Variants in RASGRP3 observed in about 807,000 individuals in gnomAD.
The protein encoded by RASGRP3 is RAS guanyl releasing protein 3, also known as ras guanyl-releasing protein 3.
Under a neutral mutation model 82.7 loss-of-function variants are expected in RASGRP3, and 54 were observed. The ratio of observed to expected loss-of-function variants is 0.65; its 90% CI spans 0.52 to 0.82. RASGRP3 has a LOEUF of 0.82. Among genes scored for constraint, RASGRP3 ranks in the 40% least tolerant of loss-of-function variants. The pLI, the probability that RASGRP3 is intolerant of heterozygous loss-of-function variation, is 0.00. For missense variants in RASGRP3, 861 were observed against 828.9 expected, an observed-to-expected ratio of 1.04 and a Z score of -0.48; for synonymous variants, 309 against 300.5, an observed-to-expected ratio of 1.03 and a Z score of -0.29.
chr2:33,503,123 C>T (rs1162252075), intron 1 of RASGRP3, among the ~76,000 whole-genome samples: 5 of 152,110 alleles, frequency 3.3e-5, no homozygotes, highest in African/African-American at 1.2e-4. Flanking sequence ...AAATTTCAAC[C>T]ACTTTACAAA....
At chr2:33,506,205 G>A (rs1670360698) in intron 1 of RASGRP3, among the ~76,000 whole-genome samples, 1 of 152,204 alleles carries the variant, frequency 6.6e-6, no homozygotes, top group Non-Finnish European at 1.5e-5. Context: ...TAGGGCCAGT[G>A]ATAGAATGCT....
chr2:33,514,225 G>A (rs1357547085), intron 2 of RASGRP3, among the ~76,000 whole-genome samples: 1 of 152,126 alleles, frequency 6.6e-6, no homozygotes, highest in Non-Finnish European at 1.5e-5. Flanking sequence ...CAGGCAAGTA[G>A]AATCTGTTAC....
At chr2:33,479,353 G>A (rs1667669141) in intron 1 of RASGRP3, among the ~76,000 whole-genome samples, 1 of 152,096 alleles carries the variant, frequency 6.6e-6, no homozygotes, top group Non-Finnish European at 1.5e-5. Flanking sequence ...CGGCTCCCAT[G>A]CCCCTTCTGG....
intron 4 of RASGRP3, among the ~76,000 whole-genome samples, chr2:33,519,643 A>C (rs761331999): frequency 1.3e-5 from 2 of 152,204 alleles, no homozygotes; most frequent in Non-Finnish European, 2.9e-5. Flanking sequence ...ACCAACTTTA[A>C]TTATGTATAG....
At chr2:33,461,372 G>C (rs1039251997) in intron 2 of RASGRP3, among the ~76,000 whole-genome samples, 1 of 152,146 alleles carries the variant, frequency 6.6e-6, no homozygotes, top group Non-Finnish European at 1.5e-5. Context: ...TCCATCTCCC[G>C]GGTTCAAGTC....
In RASGRP3 at chr2:33,508,736, A is replaced by G. The variant is rs954241265; in HGVS notation, c.-260-2974A>G. 4.6e-5 allele frequency among the ~76,000 whole-genome samples: 7 copies of G among 152,324 alleles called. No individual in the cohort carries two copies. The South Asian group carries it at 1.0e-3, about 23-fold the overall frequency. ...AATTATCAGGATTATTTCTGTCAAG[A>G]GTAGAAGGCTGATGTTTTTCTTCTC... is the stretch of plus-strand genomic sequence containing the variant. On this transcript the variant is annotated intron_variant, in intron 1 of 17. Transcript: ENST00000403687.
intron 1 of RASGRP3, chr2:33,481,545 A>G (rs185525876): frequency 3.1e-4 from 47 of 152,312 alleles, no homozygotes; most frequent in African/African-American, 1.1e-3. Flanking sequence ...ATCTTTGGTG[A>G]TAAAAAGTTG....
chr2:33,480,294 C>T (rs967039778), intron 1 of RASGRP3, among the ~76,000 whole-genome samples: 6 of 152,158 alleles, frequency 3.9e-5, no homozygotes, highest in African/African-American at 9.7e-5. Flanking sequence ...CCACCCGCCT[C>T]GGCCTCCCAA....
At chr2:33,523,676 G>A (rs1275882444) in intron 7 of RASGRP3, among the ~76,000 whole-genome samples, 6 of 152,112 alleles carry the variant, frequency 3.9e-5, no homozygotes, top group African/African-American at 7.2e-5. Flanking sequence ...TTTGCGTGGG[G>A]TGAGTAGTGG....
chr2:33,449,936 A>G (rs1223538086), intron 2 of RASGRP3, among the ~76,000 whole-genome samples: 5 of 152,284 alleles, frequency 3.3e-5, no homozygotes. Context: ...AACTGTAAGC[A>G]TTTATTACCT....
intron 1 of RASGRP3, among the ~76,000 whole-genome samples, chr2:33,488,826 A>G (rs184560257): frequency 1.4e-4 from 22 of 152,360 alleles, no homozygotes; most frequent in Admixed American, 1.4e-3. Context: ...TGTTCATTCA[A>G]ATGTTTTTTG....
Position 33,542,052 on chromosome 2 carries a change from G to GCTAT in RASGRP3, c.1279-1459_1279-1456dup, listed in dbSNP as rs1263186891. 6.8e-5 allele frequency among the ~76,000 whole-genome samples: 10 copies of GCTAT among 146,824 alleles called. 1 individual carries two copies. Among genetic ancestry groups the GCTAT allele is most frequent in the African/African-American group, 2.4e-4 (10 of 41,160 alleles). On this transcript the variant is annotated intron_variant, in intron 12 of 17. Coordinates refer to ENST00000403687, the MANE Select transcript of RASGRP3 (RefSeq NM_001139488.2). ...TTCTAGGAGTTTGAGGCTGCAGTGA[G>GCTAT]CTATGATCATGCCACTGCACTGTAG...
chr2:33,559,349 G>C (rs537465258), intron 17 of RASGRP3, among the ~76,000 whole-genome samples: 1 of 152,148 alleles, frequency 6.6e-6, no homozygotes, highest in East Asian at 1.9e-4. Flanking sequence ...ACCAGTACAC[G>C]ATACAGATCA....
chr2:33,511,599 C>A (rs1464100599), intron 1 of RASGRP3, 111 bp from the exon 2 acceptor site: 1 of 152,600 alleles, frequency 6.6e-6, no homozygotes, highest in Non-Finnish European at 1.5e-5. Flanking sequence ...GACAAAATCT[C>A]AAATACCACC....
chr2:33,470,830 T>C (rs995142228), intron 2 of RASGRP3, among the ~76,000 whole-genome samples: 1 of 152,192 alleles, frequency 6.6e-6, no homozygotes, highest in Non-Finnish European at 1.5e-5. Flanking sequence ...TTTTTAATTA[T>C]TTAGAAGCAA....
chr2:33,460,479 A>C (rs1195651509), intron 2 of RASGRP3, among the ~76,000 whole-genome samples: 1 of 151,986 alleles, frequency 6.6e-6, no homozygotes. Flanking sequence ...GTACTATTCA[A>C]CTTGCTACAG....
intron 6 of RASGRP3, 67 bp downstream of exon 6, chr2:33,520,751 C>T: frequency 1.9e-6 from 3 of 1,585,012 alleles, no homozygotes; most frequent in Non-Finnish European, 2.6e-6. Flanking sequence ...GTAGTGATCA[C>T]CCCACTTGTT....
At position 33,558,210 on chromosome 2, in the gene RASGRP3, G is replaced by C; in HGVS notation, c.1580-1G>C. 4 of 1,610,104 alleles carry C rather than the reference G, an allele frequency of 2.5e-6. No homozygotes were observed. The highest frequency in any genetic ancestry group is 3.4e-6 in the Non-Finnish European group (4 of 1,178,204). On this transcript the variant is annotated splice_acceptor_variant, in intron 15 of 17. Transcript: ENST00000403687. LOFTEE classifies it high-confidence loss of function. Reference sequence around the variant, plus strand: ...TCTGCGACACCCTTGGAATTTTTCAGACTGTGGAGCCAATTGTCACAAACA... The same window carrying C: ...TCTGCGACACCCTTGGAATTTTTCACACTGTGGAGCCAATTGTCACAAACA...
At chr2:33,474,798 C>G (rs577349242), upstream of RASGRP3, among the ~76,000 whole-genome samples, 319 of 152,310 alleles carry the variant, frequency 2.1e-3, 1 homozygote, top group African/African-American at 7.4e-3. Context: ...CCAATTAAAC[C>G]TCTTTTCTTT....
Sources: gnomAD v4.1 joint callset for allele counts (sites outside exome capture counted in the v4.1 genomes callset) on GRCh38, gnomAD v4.1.1 for gene constraint, MANE v1.5 for transcripts, NCBI Gene and HGNC (gene_info 2026-07-23, HGNC 2026-07-21) for gene names.